NSMCE2: variants seen among roughly 807,000 people sequenced by gnomAD.
NSMCE2 encodes the protein NSE2 SUMO ligase component of SMC5/6 complex.
In NSMCE2, 24 loss-of-function variants were observed where a neutral mutation model predicts 23.8. The observed-to-expected ratio is 1.01, with a 90% confidence interval of 0.73 to 1.42. NSMCE2 has a LOEUF of 1.42. NSMCE2 is among the 40% of genes most tolerant of loss of function. The pLI is 0.00. For missense variants in NSMCE2, 284 were observed against 296.5 expected (o/e 0.96, Z 0.31); for synonymous variants, 92 against 94.1 (o/e 0.98, Z 0.13).
chr8:125,321,628 C>G (rs1365191192), intron 5 of NSMCE2, among the ~76,000 whole-genome samples: 1 of 152,090 alleles, frequency 6.6e-6, no homozygotes, highest in African/African-American at 2.4e-5. Flanking sequence ...AACATAGATG[C>G]AAAAATTCTA....
intron 5 of NSMCE2, among the ~76,000 whole-genome samples, chr8:125,281,944 T>C (rs1336082782): frequency 6.6e-6 from 1 of 152,098 alleles, no homozygotes; most frequent in African/African-American, 2.4e-5. Flanking sequence ...ATGCTCTGTC[T>C]AGCTCGTAGC....
At chr8:125,141,700 C>T (rs944604064) in intron 3 of NSMCE2, among the ~76,000 whole-genome samples, 4 of 152,150 alleles carry the variant, frequency 2.6e-5, no homozygotes, top group African/African-American at 9.7e-5. Flanking sequence ...CTAATGTAGT[C>T]TCTGTGGAGA....
At chr8:125,188,549 T>G (rs1329097612) in intron 5 of NSMCE2, among the ~76,000 whole-genome samples, 2 of 152,246 alleles carry the variant, frequency 1.3e-5, no homozygotes, top group Non-Finnish European at 2.9e-5. Flanking sequence ...TTACTAGATT[T>G]TTCTGTTTTT....
intron 4 of NSMCE2, among the ~76,000 whole-genome samples, chr8:125,162,341 A>T (rs1821669847): frequency 1.3e-5 from 2 of 152,196 alleles, no homozygotes; most frequent in Admixed American, 1.3e-4. Context: ...GGTGAAACTG[A>T]ACATGTTATA....
chr8:125,185,918 C>T (rs965749641), intron 5 of NSMCE2, among the ~76,000 whole-genome samples: 3 of 152,236 alleles, frequency 2.0e-5, no homozygotes, highest in East Asian at 1.9e-4. Flanking sequence ...ATTTTGTTGA[C>T]GTACACAAAG....
At chr8:125,092,398 T>A (rs976941768) in intron 1 of NSMCE2, among the ~76,000 whole-genome samples, 1 of 152,204 alleles carries the variant, frequency 6.6e-6, no homozygotes, top group Non-Finnish European at 1.5e-5. Flanking sequence ...GCCAAATCTT[T>A]ATTGGTCCCC....
chr8:125,130,585 A>T (rs916755899), intron 3 of NSMCE2, among the ~76,000 whole-genome samples: 4 of 152,120 alleles, frequency 2.6e-5, no homozygotes, highest in African/African-American at 7.2e-5. Context: ...GGTATTGAGA[A>T]ACCAAGATCT....
chr8:125,098,230 A>G (rs1306413445), intron 1 of NSMCE2, among the ~76,000 whole-genome samples: 2 of 152,138 alleles, frequency 1.3e-5, no homozygotes, highest in East Asian at 1.9e-4. Flanking sequence ...CTGACACTAC[A>G]TGTCTCCTAG....
At chr8:125,230,887 A>G (rs1010484792) in intron 5 of NSMCE2, among the ~76,000 whole-genome samples, 1 of 152,208 alleles carries the variant, frequency 6.6e-6, no homozygotes, top group African/African-American at 2.4e-5. Context: ...GTACAGGTGG[A>G]CAGGTCAGGG....
intron 1 of NSMCE2, among the ~76,000 whole-genome samples, chr8:125,096,889 C>T (rs1328506654): frequency 5.3e-5 from 8 of 152,058 alleles, no homozygotes; most frequent in Non-Finnish European, 8.8e-5. Flanking sequence ...GGATTACAGG[C>T]GGGAGCCACC....
In NSMCE2 at chr8:125,122,294, A is replaced by G. The variant is rs1455274870; in HGVS notation, c.157+19807A>G. 2.6e-5 allele frequency among the ~76,000 whole-genome samples: 4 copies of G among 152,166 alleles called. No homozygotes were observed. In the East Asian group the frequency reaches 7.7e-4, roughly 29 times the overall value. ...CTTACTAGGATTGTAAGTCTTGATTACCGTGAATTGACTTCTTGGATCATC... is the reference window on the plus strand; with the variant it reads ...CTTACTAGGATTGTAAGTCTTGATTGCCGTGAATTGACTTCTTGGATCATC... On this transcript the variant is annotated intron_variant, in intron 3 of 7. Transcript: ENST00000287437.
chr8:125,117,612 T>C (rs1214400353), intron 3 of NSMCE2, among the ~76,000 whole-genome samples: 1 of 152,170 alleles, frequency 6.6e-6, no homozygotes, highest in East Asian at 1.9e-4. Context: ...CTGCCCTGGC[T>C]CAAATGATTC....
At chr8:125,202,394 C>T (rs1409229921) in intron 5 of NSMCE2, among the ~76,000 whole-genome samples, 1 of 152,184 alleles carries the variant, frequency 6.6e-6, no homozygotes, top group Non-Finnish European at 1.5e-5. Context: ...ATTTAGTCAC[C>T]TATATATGTT....
chr8:125,208,439 T>C (rs1824199478), intron 5 of NSMCE2, among the ~76,000 whole-genome samples: 1 of 152,228 alleles, frequency 6.6e-6, no homozygotes, highest in Non-Finnish European at 1.5e-5. Context: ...TATATGCTTA[T>C]AGCATGGGTA....
intron 5 of NSMCE2, among the ~76,000 whole-genome samples, chr8:125,277,987 A>G (rs2131114707): frequency 6.6e-6 from 1 of 152,266 alleles, no homozygotes; most frequent in South Asian, 2.1e-4. Context: ...AACTTTTAAT[A>G]TGTTAGATAT....
At position 125,210,220 on chromosome 8, in the gene NSMCE2, A is replaced by G. The variant is rs568822229; in HGVS notation, c.418+27964A>G. 1.1e-4 allele frequency among the ~76,000 whole-genome samples: 16 copies of G among 152,352 alleles called. No homozygotes were observed. The South Asian group carries it at 3.3e-3, about 32-fold the overall frequency. The stretch of plus-strand genomic sequence containing the variant: ...TTGTGGAGATTCAATGAATTTATAT[A>G]TGAAAGTCATTTGCAACAGTGTCTT... On this transcript the variant is annotated intron_variant, in intron 5 of 7. Coordinates refer to ENST00000287437, the MANE Select transcript of NSMCE2 (RefSeq NM_173685.4).
intron 5 of NSMCE2, among the ~76,000 whole-genome samples, chr8:125,349,302 C>T (rs115457475): frequency 5.4e-4 from 82 of 152,328 alleles, no homozygotes; most frequent in African/African-American, 1.7e-3. Flanking sequence ...ATTTTCCAAG[C>T]ACCAGCTCAG....
At chr8:125,345,185 T>C (rs1830390539) in intron 5 of NSMCE2, among the ~76,000 whole-genome samples, 1 of 150,540 alleles carries the variant, frequency 6.6e-6, no homozygotes, top group African/African-American at 2.5e-5. Context: ...AGAGGTGATC[T>C]AAATACGTAT....
intron 5 of NSMCE2, among the ~76,000 whole-genome samples, chr8:125,260,146 G>A (rs774801478): frequency 3.3e-5 from 5 of 152,176 alleles, no homozygotes; most frequent in Non-Finnish European, 5.9e-5. Flanking sequence ...CCTACTACAC[G>A]ACTCTTGGGA....
Sources: allele counts gnomAD v4.1 joint callset (sites outside exome capture counted in the v4.1 genomes callset), GRCh38; gene constraint gnomAD v4.1.1; transcripts MANE v1.5; gene names NCBI Gene and HGNC (gene_info 2026-07-23, HGNC 2026-07-21).